Variants in RBFOX1 observed in about 807,000 individuals in gnomAD.
RBFOX1 encodes the protein RNA binding protein fox-1 homolog 1.
Under a neutral mutation model 57.7 loss-of-function variants are expected in RBFOX1, and 8 were observed. The observed-to-expected ratio is 0.14, with a 90% confidence interval of 0.08 to 0.25. The LOEUF is 0.25. Ranked by LOEUF, RBFOX1 falls within the 10% of genes least tolerant of loss-of-function variation. RBFOX1 has a pLI of 1.00. For synonymous variants in RBFOX1, 326 were observed against 222.4 expected (o/e 1.47, Z -4.15); for missense variants, 611 against 548.5 (o/e 1.11, Z -1.14).
chr16:6,189,352 T>C (rs538031238), intron 1 of RBFOX1, among the ~76,000 whole-genome samples: 2 of 152,212 alleles, frequency 1.3e-5, no homozygotes, highest in Non-Finnish European at 2.9e-5. Context: ...AAGAGTCTAG[T>C]GCGCGCTGGT....
intron 3 of RBFOX1, among the ~76,000 whole-genome samples, chr16:6,982,454 C>CCT (rs2089182397): frequency 6.6e-6 from 1 of 152,122 alleles, no homozygotes; most frequent in Admixed American, 6.6e-5. Flanking sequence ...TTCATTGCAG[C>CCT]GAGCTCCTTC....
chr16:5,843,191 T>A (rs2056670387), intron 3 of RBFOX1, among the ~76,000 whole-genome samples: 1 of 152,186 alleles, frequency 6.6e-6, no homozygotes, highest in Non-Finnish European at 1.5e-5. Flanking sequence ...ATTATATAAG[T>A]AAACTCACGT....
intron 4 of RBFOX1, among the ~76,000 whole-genome samples, chr16:7,399,349 A>T (rs1228095124): frequency 6.6e-6 from 1 of 152,190 alleles, no homozygotes; most frequent in Admixed American, 6.5e-5. Context: ...TGGGAGGCTG[A>T]AGCAGGAGAA....
At chr16:7,527,646 G>A (rs898509186) in intron 5 of RBFOX1, among the ~76,000 whole-genome samples, 4 of 152,114 alleles carry the variant, frequency 2.6e-5, no homozygotes, top group African/African-American at 4.8e-5. Context: ...CCATAGGCAC[G>A]TTACATAACT....
intron 3 of RBFOX1, among the ~76,000 whole-genome samples, chr16:5,642,787 C>T (rs1488118999): frequency 6.6e-6 from 1 of 152,072 alleles, no homozygotes; most frequent in Non-Finnish European, 1.5e-5. Context: ...TGGTGTTCTC[C>T]CCTGATGTGT....
chr16:6,637,107 T>TATATATTAAATATATA (rs2098443552), intron 2 of RBFOX1, among the ~76,000 whole-genome samples: 3 of 10,580 alleles, frequency 2.8e-4, no homozygotes, highest in Admixed American at 2.2e-3. Context: ...ATATATATAT[T>TATATATTAAATATATA]ATATAATATA....
intron 4 of RBFOX1, among the ~76,000 whole-genome samples, chr16:7,120,994 A>G (rs1208493885): frequency 6.6e-6 from 1 of 151,956 alleles, no homozygotes; most frequent in Non-Finnish European, 1.5e-5. Context: ...TATTAACACA[A>G]TAAAGAAGAA....
At chr16:6,541,332 G>T (rs2096814672) in intron 2 of RBFOX1, among the ~76,000 whole-genome samples, 1 of 152,170 alleles carries the variant, frequency 6.6e-6, no homozygotes, top group South Asian at 2.1e-4. Context: ...ATTCATTCAT[G>T]TAACAAGTAT....
intron 3 of RBFOX1, among the ~76,000 whole-genome samples, chr16:5,744,522 C>T (rs1039987150): frequency 6.6e-6 from 1 of 152,152 alleles, no homozygotes; most frequent in Non-Finnish European, 1.5e-5. Context: ...CCAACTCCAC[C>T]TTCAGTGGCT....
intron 2 of RBFOX1, among the ~76,000 whole-genome samples, chr16:6,394,435 TG>T (rs1301699607): frequency 2.0e-5 from 3 of 151,712 alleles, no homozygotes; most frequent in Non-Finnish European, 4.4e-5. Flanking sequence ...CTGGTGGGAG[TG>T]GGGGAAGAAA....
At chr16:6,983,483 A>T (rs561213669) in intron 3 of RBFOX1, among the ~76,000 whole-genome samples, 47 of 151,710 alleles carry the variant, frequency 3.1e-4, no homozygotes, top group African/African-American at 1.1e-3. Context: ...GGAAGATGAA[A>T]AGGAAGCGCT....
intron 1 of RBFOX1, among the ~76,000 whole-genome samples, chr16:5,420,994 TC>T (rs2067308562): frequency 7.2e-6 from 1 of 139,426 alleles, no homozygotes. Flanking sequence ...TTCCTCCTCC[TC>T]CTCCTCCTCC....
At chr16:6,027,416 G>A (rs1461500469) in intron 1 of RBFOX1, among the ~76,000 whole-genome samples, 1 of 152,180 alleles carries the variant, frequency 6.6e-6, no homozygotes, top group Non-Finnish European at 1.5e-5. Context: ...TAGGAAGGAG[G>A]CAGTGCAGGT....
At chr16:6,400,449 A>T (rs1168926127) in intron 2 of RBFOX1, among the ~76,000 whole-genome samples, 2 of 152,212 alleles carry the variant, frequency 1.3e-5, no homozygotes, top group Non-Finnish European at 2.9e-5. Flanking sequence ...AAACAGAGTG[A>T]ATGTATAGCT....
chr16:7,395,957 A>G (rs565619607), intron 4 of RBFOX1, among the ~76,000 whole-genome samples: 24 of 152,268 alleles, frequency 1.6e-4, no homozygotes, highest in East Asian at 1.2e-3. Context: ...CTAAATTAAG[A>G]TAATTATGTG....
intron 1 of RBFOX1, chr16:5,270,755 A>G: frequency 2.1e-6 from 1 of 472,084 alleles, no homozygotes; most frequent in East Asian, 5.2e-5. Context: ...AACATCGGAA[A>G]AGATGTAGAA....
chr16:7,287,924 A>G (rs994440534), intron 4 of RBFOX1, among the ~76,000 whole-genome samples: 2 of 152,142 alleles, frequency 1.3e-5, no homozygotes, highest in African/African-American at 4.8e-5. Flanking sequence ...CAAAATACAC[A>G]TAGTTTGTGA....
intron 14 of RBFOX1, among the ~76,000 whole-genome samples, chr16:7,685,621 C>T (rs1159494410): frequency 6.6e-6 from 1 of 152,026 alleles, no homozygotes; most frequent in Non-Finnish European, 1.5e-5. Context: ...ATCAATAACT[C>T]GGTTTCAGAT....
intron 14 of RBFOX1, among the ~76,000 whole-genome samples, chr16:7,689,908 A>G (rs1384709682): frequency 6.6e-6 from 1 of 152,052 alleles, no homozygotes. Flanking sequence ...CCTTTCTTGG[A>G]TACTGTATCA....
Sources: gnomAD v4.1 joint callset for allele counts (sites outside exome capture counted in the v4.1 genomes callset) on GRCh38, gnomAD v4.1.1 for gene constraint, MANE v1.5 for transcripts, NCBI Gene and HGNC (gene_info 2026-07-23, HGNC 2026-07-21) for gene names.